CNBD1: variants seen among roughly 807,000 people sequenced by gnomAD.
CNBD1 encodes cyclic nucleotide binding domain containing 1.
Under a neutral mutation model 54.4 loss-of-function variants are expected in CNBD1, and 71 were observed. The ratio of observed to expected loss-of-function variants is 1.30; its 90% confidence interval spans 1.08 to 1.59. The LOEUF is 1.59. Among genes scored for constraint, CNBD1 ranks in the 40% most tolerant of loss-of-function variants. CNBD1 has a pLI of 0.00. For synonymous variants in CNBD1, 182 were observed against 170.7 expected (o/e 1.07, Z -0.51); for missense variants, 659 against 518.0 (o/e 1.27, Z -2.64).
intron 3 of CNBD1, among the ~76,000 whole-genome samples, chr8:86,911,183 T>C (rs73268063): frequency 0.028 from 4,202 of 152,324 alleles, 180 homozygotes; most frequent in African/African-American, 0.09. Flanking sequence ...GGCACAGCTG[T>C]TGGCATTCAC....
chr8:86,902,868 C>T (rs1808959860), intron 2 of CNBD1, among the ~76,000 whole-genome samples: 1 of 151,904 alleles, frequency 6.6e-6, no homozygotes, highest in South Asian at 2.1e-4. Context: ...TTATGTTTCC[C>T]CTCAGCTACT....
intron 4 of CNBD1, among the ~76,000 whole-genome samples, chr8:87,149,433 TAGGA>T (rs1812555279): frequency 6.6e-6 from 1 of 152,090 alleles, no homozygotes; most frequent in Non-Finnish European, 1.5e-5. Context: ...TGAATCCAAA[TAGGA>T]AGGTGATGTT....
chr8:87,211,607 C>T (rs1369614369), intron 5 of CNBD1, among the ~76,000 whole-genome samples: 1 of 152,064 alleles, frequency 6.6e-6, no homozygotes, highest in Non-Finnish European at 1.5e-5. Flanking sequence ...ATGTGTATGG[C>T]ACCTCCCCTT....
chr8:87,328,608 A>G (rs187423151), intron 8 of CNBD1, among the ~76,000 whole-genome samples: 1 of 151,934 alleles, frequency 6.6e-6, no homozygotes, highest in Admixed American at 6.6e-5. Flanking sequence ...ATTCCATATC[A>G]ATTTTAGGAT....
chr8:87,375,170 GA>G (rs914552767), intron 10 of CNBD1, among the ~76,000 whole-genome samples: 22 of 151,858 alleles, frequency 1.4e-4, no homozygotes, highest in African/African-American at 4.8e-4. Context: ...ACTATTATAA[GA>G]ACAAATGTAC....
At chr8:87,317,453 A>G (rs1007466153) in intron 8 of CNBD1, among the ~76,000 whole-genome samples, 2 of 151,752 alleles carry the variant, frequency 1.3e-5, no homozygotes, top group Non-Finnish European at 2.9e-5. Context: ...ACTTGAAAAT[A>G]TCAATTTTCA....
At chr8:87,192,244 T>C (rs558989706) in intron 4 of CNBD1, among the ~76,000 whole-genome samples, 3 of 152,300 alleles carry the variant, frequency 2.0e-5, no homozygotes, top group Non-Finnish European at 2.9e-5. Context: ...TTTTCAAACT[T>C]TGTGATTTGT....
intron 2 of CNBD1, among the ~76,000 whole-genome samples, chr8:86,894,974 A>G (rs1461344612): frequency 6.6e-6 from 1 of 152,198 alleles, no homozygotes; most frequent in Non-Finnish European, 1.5e-5. Flanking sequence ...GGAAGGCGAA[A>G]GCAAGCTTTT....
intron 4 of CNBD1, among the ~76,000 whole-genome samples, chr8:87,062,744 A>G (rs1341169700): frequency 1.3e-5 from 2 of 152,140 alleles, no homozygotes. Context: ...CTGAAAAAAA[A>G]AAAATGCTTT....
intron 3 of CNBD1, among the ~76,000 whole-genome samples, chr8:86,917,263 A>G (rs1436402031): frequency 5.3e-5 from 8 of 152,252 alleles, no homozygotes; most frequent in African/African-American, 1.7e-4. Flanking sequence ...TACTAATGCC[A>G]GATCTGTGTC....
rs1809518511 is a variant in CNBD1, at chr8:87,022,943, C to G, written c.431+83189C>G. Among the ~76,000 whole-genome samples the G allele has an allele frequency of 2.6e-5, 4 of 152,178 alleles. No individual in the cohort carries two copies. The South Asian group carries it at 8.3e-4, about 31-fold the overall frequency. On this transcript the variant is annotated intron_variant, in intron 4 of 10. Transcript: ENST00000518476. ...AAGGAGGCAGTTTAGGAAGAGAACACTATCATGAACCCAGGTGCTTTCAAC... is the reference window on the plus strand; with the variant it reads ...AAGGAGGCAGTTTAGGAAGAGAACAGTATCATGAACCCAGGTGCTTTCAAC...
chr8:87,325,704 T>C (rs1199290702), intron 8 of CNBD1, among the ~76,000 whole-genome samples: 14 of 142,184 alleles, frequency 9.8e-5, no homozygotes, highest in Admixed American at 2.8e-4. Context: ...TGTCTCTGCA[T>C]GTGAGATGGG....
intron 4 of CNBD1, among the ~76,000 whole-genome samples, chr8:87,171,687 G>A (rs1305053929): frequency 6.6e-6 from 1 of 151,174 alleles, no homozygotes; most frequent in Non-Finnish European, 1.5e-5. Context: ...CTCCCAGGCT[G>A]GAGTGCAGTG....
intron 4 of CNBD1, among the ~76,000 whole-genome samples, chr8:86,989,304 A>AATAAATACATAC (rs1554637046): frequency 0.019 from 2,833 of 149,228 alleles, 80 homozygotes; most frequent in African/African-American, 0.065. Flanking sequence ...AAAACAAATA[A>AATAAATACATAC]ATACATACAT....
At chr8:86,909,688 CA>C in intron 3 of CNBD1, among the ~76,000 whole-genome samples, 1 of 152,252 alleles carries the variant, frequency 6.6e-6, no homozygotes, top group Admixed American at 6.5e-5. Context: ...AACATTTACT[CA>C]AATTTATACT....
intron 4 of CNBD1, among the ~76,000 whole-genome samples, chr8:87,127,621 T>C (rs1812020191): frequency 6.6e-6 from 1 of 152,194 alleles, no homozygotes; most frequent in Non-Finnish European, 1.5e-5. Context: ...TTATTTCTTC[T>C]TTACTGTCTC....
intron 2 of CNBD1, among the ~76,000 whole-genome samples, chr8:87,389,877 A>G (rs981911363): frequency 5.3e-5 from 8 of 152,204 alleles, no homozygotes; most frequent in Admixed American, 5.2e-4. Context: ...CCAAAACAGC[A>G]TGGTACTGGT....
At position 87,306,369 on chromosome 8, in the gene CNBD1, C is replaced by T. The variant is rs186229677; in HGVS notation, c.1042+19698C>T. 3.3e-3 allele frequency among the ~76,000 whole-genome samples: 500 copies of T among 152,220 alleles called. 2 individuals carry two copies. Among genetic ancestry groups the T allele is most frequent in the African/African-American group, 0.011 (472 of 41,534 alleles). ...CCTTTAAGAACTAAATGTAGAACTACCATTTGATCCAGAAATACTGCTACT... is the reference window on the plus strand; with the variant it reads ...CCTTTAAGAACTAAATGTAGAACTATCATTTGATCCAGAAATACTGCTACT... On this transcript the variant is annotated intron_variant, in intron 8 of 10. Transcript: ENST00000518476.
Position 87,009,373 on chromosome 8 carries a change from T to C in CNBD1, c.431+69619T>C, listed in dbSNP as rs1809167952. Among the ~76,000 whole-genome samples the C allele has an allele frequency of 2.0e-5, 3 of 152,180 alleles. No homozygotes were observed. In the South Asian group the frequency reaches 6.2e-4, roughly 32 times the overall value. On this transcript the variant is annotated intron_variant, in intron 4 of 10. Coordinates refer to ENST00000518476, the MANE Select transcript of CNBD1 (RefSeq NM_173538.3). The stretch of plus-strand genomic sequence containing the variant: ...TGGAGTGCAGTGGAGTGATCTCAGC[T>C]CACTGCAACCTCTGCCTTCTGGGTT...
Sources: gnomAD v4.1 joint callset for allele counts (sites outside exome capture counted in the v4.1 genomes callset) on GRCh38, gnomAD v4.1.1 for gene constraint, MANE v1.5 for transcripts, NCBI Gene and HGNC (gene_info 2026-07-23, HGNC 2026-07-21) for gene names.